JAZF1: variants seen among roughly 807,000 people sequenced by gnomAD.
JAZF1 encodes the protein juxtaposed with another zinc finger protein 1.
In JAZF1, 8 loss-of-function variants were observed where a neutral mutation model predicts 26.4. The ratio of observed to expected loss-of-function variants is 0.30; its 90% confidence interval spans 0.18 to 0.55. The LOEUF is 0.55. Ranked by LOEUF, JAZF1 falls within the 20% of genes least tolerant of loss-of-function variation. The pLI is 0.94. For missense variants in JAZF1, 199 were observed against 322.0 expected, an observed-to-expected ratio of 0.62 and a Z score of 2.92; for synonymous variants, 126 against 122.3, an observed-to-expected ratio of 1.03 and a Z score of -0.20.
intron 1 of JAZF1, among the ~76,000 whole-genome samples, chr7:28,035,313 CAAA>C (rs201602870): frequency 3.3e-4 from 9 of 27,448 alleles, no homozygotes; most frequent in South Asian, 1.9e-3. Context: ...GACTCCATCT[CAAA>C]AAAAAAAAAA....
chr7:28,169,909 T>G (rs895445878), intron 1 of JAZF1, among the ~76,000 whole-genome samples: 10 of 152,274 alleles, frequency 6.6e-5, no homozygotes, highest in Admixed American at 1.3e-4. Context: ...AAACGAGTGC[T>G]TCAATTTTAA....
In JAZF1 at chr7:28,170,810, G is replaced by A. The variant is rs1783456505; in HGVS notation, c.115+9653C>T. ...ACATCTTGTAAAAGATCACAACTTA[G>A]GCTGTAAAGAGCAAGCACTGAGTAT... On this transcript the variant is annotated intron_variant, in intron 1 of 4. Coordinates refer to ENST00000283928, the MANE Select transcript of JAZF1 (RefSeq NM_175061.4). Among the ~76,000 whole-genome samples the A allele has an allele frequency of 2.0e-5, 3 of 152,230 alleles. No individual in the cohort carries two copies. In the South Asian group the frequency reaches 6.2e-4, roughly 32 times the overall value.
At chr7:27,837,828 T>C (rs898179033) in intron 4 of JAZF1, among the ~76,000 whole-genome samples, 1 of 152,100 alleles carries the variant, frequency 6.6e-6, no homozygotes, top group Non-Finnish European at 1.5e-5. Flanking sequence ...CTCCCTGCTC[T>C]CCCTCTGTGT....
intron 3 of JAZF1, among the ~76,000 whole-genome samples, chr7:27,881,773 AT>A (rs939881592): frequency 1.3e-5 from 2 of 152,186 alleles, no homozygotes; most frequent in African/African-American, 4.8e-5. Context: ...ACAGAAATGC[AT>A]ATCGAGGGCC....
At chr7:28,066,400 G>C (rs1199977497) in intron 1 of JAZF1, among the ~76,000 whole-genome samples, 1 of 151,874 alleles carries the variant, frequency 6.6e-6, no homozygotes, top group Non-Finnish European at 1.5e-5. Context: ...TCAGGTGTTC[G>C]AGACCAGCCT....
At chr7:28,090,896 G>A (rs150415972) in intron 1 of JAZF1, among the ~76,000 whole-genome samples, 3,088 of 141,940 alleles carry the variant, frequency 0.022, 48 homozygotes, top group Middle Eastern at 0.035. Flanking sequence ...GCGCGATCTC[G>A]GCTCACTGCA....
At chr7:27,895,447 G>A in intron 2 of JAZF1, 31 bp from the exon 3 acceptor site, 5 of 1,526,248 alleles carry the variant, frequency 3.3e-6, no homozygotes, top group Non-Finnish European at 4.5e-6. Flanking sequence ...AAGGAACCTG[G>A]GCCATGTATA....
chr7:28,077,204 T>C (rs527244385), intron 1 of JAZF1, among the ~76,000 whole-genome samples: 5 of 152,326 alleles, frequency 3.3e-5, no homozygotes, highest in South Asian at 4.1e-4. Flanking sequence ...ATTTACTCAA[T>C]GTTTAGTCTC....
chr7:27,908,311 A>G (rs940592182), intron 2 of JAZF1, among the ~76,000 whole-genome samples: 2 of 152,240 alleles, frequency 1.3e-5, no homozygotes, highest in African/African-American at 4.8e-5. Context: ...TCTTAAATGA[A>G]GTACTAATAA....
intron 2 of JAZF1, among the ~76,000 whole-genome samples, chr7:27,973,842 G>A (rs926884709): frequency 6.6e-6 from 1 of 152,150 alleles, no homozygotes; most frequent in African/African-American, 2.4e-5. Flanking sequence ...GGCAGCTGGT[G>A]GACAGGGTTT....
intron 1 of JAZF1, among the ~76,000 whole-genome samples, chr7:28,170,062 A>G (rs1322846054): frequency 6.6e-6 from 1 of 152,134 alleles, no homozygotes; most frequent in Non-Finnish European, 1.5e-5. Flanking sequence ...GAGGGTTTTC[A>G]GTGCTTAACT....
chr7:27,890,784 C>CT (rs70977008), intron 3 of JAZF1, among the ~76,000 whole-genome samples: 1,143 of 91,916 alleles, frequency 0.012, 16 homozygotes, highest in African/African-American at 0.024. Context: ...GATGTTACTA[C>CT]TTTTTTTTTT....
intron 1 of JAZF1, among the ~76,000 whole-genome samples, chr7:28,008,070 C>A (rs377550222): frequency 2.6e-5 from 4 of 152,216 alleles, no homozygotes; most frequent in African/African-American, 9.6e-5. Context: ...TTAAAAAACA[C>A]CAGAGGTTCT....
chr7:27,879,325 G>C (rs1783730022), intron 3 of JAZF1, among the ~76,000 whole-genome samples: 1 of 152,096 alleles, frequency 6.6e-6, no homozygotes, highest in African/African-American at 2.4e-5. Context: ...ATGGTTCATG[G>C]CGCCAGGATG....
rs6943804 is a variant in JAZF1, at chr7:27,885,554, T to C, written c.385+9666A>G. 2.7e-3 allele frequency among the ~76,000 whole-genome samples: 416 copies of C among 152,362 alleles called. 2 individuals are homozygous for C. Among genetic ancestry groups the C allele is most frequent in the African/African-American group, 9.5e-3 (394 of 41,588 alleles). ...GTAGGAGTTCCGTACGTATTCTAGA[T>C]ATGAGGCCTTTATCAGACACATGGC... On this transcript the variant is annotated intron_variant, in intron 3 of 4. Transcript: ENST00000283928.
intron 3 of JAZF1, among the ~76,000 whole-genome samples, chr7:27,863,277 T>A (rs1414733931): frequency 1.3e-5 from 2 of 152,234 alleles, no homozygotes; most frequent in African/African-American, 4.8e-5. Context: ...CTGGGGTCCC[T>A]TTGATGACCC....
chr7:28,138,279 G>C (rs543386477), intron 1 of JAZF1, among the ~76,000 whole-genome samples: 7 of 152,252 alleles, frequency 4.6e-5, no homozygotes, highest in African/African-American at 1.7e-4. Flanking sequence ...GAGCCAGCCA[G>C]GTAAGACAGG....
At chr7:28,063,463 G>A (rs1783830983) in intron 1 of JAZF1, among the ~76,000 whole-genome samples, 1 of 152,026 alleles carries the variant, frequency 6.6e-6, no homozygotes, top group African/African-American at 2.4e-5. Context: ...AAGGCAGGGA[G>A]ACTTCATAGC....
chr7:28,173,380 A>G (rs1028530563), intron 1 of JAZF1, among the ~76,000 whole-genome samples: 9 of 152,264 alleles, frequency 5.9e-5, no homozygotes, highest in African/African-American at 9.6e-5. Context: ...GAAAAAATGT[A>G]TAATACAAAT....
Sources: gnomAD v4.1 joint callset for allele counts (sites outside exome capture counted in the v4.1 genomes callset) on GRCh38, gnomAD v4.1.1 for gene constraint, MANE v1.5 for transcripts, NCBI Gene and HGNC (gene_info 2026-07-23, HGNC 2026-07-21) for gene names.